The following TRPC4AP variants were observed in gnomAD, a reference collection of about 807,000 sequenced individuals.
TRPC4AP encodes short transient receptor potential channel 4-associated protein.
TRPC4AP carries 45 observed loss-of-function variants against 99.0 expected under a neutral mutation model. The ratio of observed to expected loss-of-function variants is 0.45; its 90% CI spans 0.36 to 0.58. The LOEUF (loss-of-function observed/expected upper bound fraction) is 0.58. Among genes scored for constraint, TRPC4AP ranks in the 20% least tolerant of loss-of-function variants. The probability of loss-of-function intolerance (pLI) is 0.00; values close to 1 mark genes in which losing one functional copy is unlikely to be tolerated. For synonymous variants in TRPC4AP, 408 were observed against 385.8 expected, an observed-to-expected ratio of 1.06 and a Z score of -0.67; for missense variants, 879 against 985.3, an observed-to-expected ratio of 0.89 and a Z score of 1.44.
chr20:35,018,844 T>A (rs1490161398), intron 9 of TRPC4AP, among the ~76,000 whole-genome samples: 1 of 152,062 alleles, frequency 6.6e-6, no homozygotes, highest in African/African-American at 2.4e-5. Context: ...GTTCACAAGA[T>A]AGCTCTGTGA....
chr20:35,018,829 C>G (rs2082817984), intron 9 of TRPC4AP, among the ~76,000 whole-genome samples: 1 of 152,012 alleles, frequency 6.6e-6, no homozygotes, highest in South Asian at 2.1e-4. Flanking sequence ...GTCAGACAGC[C>G]CTGGGTTCAC....
intron 6 of TRPC4AP, among the ~76,000 whole-genome samples, chr20:35,048,930 T>C (rs752924507): frequency 2.0e-5 from 3 of 152,194 alleles, no homozygotes; most frequent in Non-Finnish European, 4.4e-5. Flanking sequence ...AATAGGCCAC[T>C]TGTGCTGGGC....
At chr20:35,088,098 T>C (rs1318357475) in intron 1 of TRPC4AP, among the ~76,000 whole-genome samples, 1 of 152,226 alleles carries the variant, frequency 6.6e-6, no homozygotes, top group Admixed American at 6.5e-5. Context: ...TATAGAGCAG[T>C]TATTAATAAC....
At chr20:35,080,745 C>G (rs761450617) in intron 1 of TRPC4AP, among the ~76,000 whole-genome samples, 14 of 150,472 alleles carry the variant, frequency 9.3e-5, no homozygotes, top group African/African-American at 2.0e-4. Context: ...TAAAATTGAT[C>G]GTGATGATAG....
At chr20:35,003,837 C>T (rs999430284) in intron 17 of TRPC4AP, among the ~76,000 whole-genome samples, 6 of 152,228 alleles carry the variant, frequency 3.9e-5, no homozygotes, top group African/African-American at 1.4e-4. Context: ...CACCTCCCAC[C>T]CCACCTGAGG....
At chr20:35,068,984 A>AAAAAAAACAAC (rs144241228) in intron 3 of TRPC4AP, among the ~76,000 whole-genome samples, 7 of 140,174 alleles carry the variant, frequency 5.0e-5, no homozygotes, top group African/African-American at 2.0e-4. Context: ...CACACAAAAA[A>AAAAAAAACAAC]AACAAAACAT....
intron 3 of TRPC4AP, among the ~76,000 whole-genome samples, chr20:35,064,342 C>T (rs1019868507): frequency 6.6e-6 from 1 of 152,124 alleles, no homozygotes; most frequent in African/African-American, 2.4e-5. Context: ...ATTAAAAAGC[C>T]AGCAGGCAAA....
intron 8 of TRPC4AP, among the ~76,000 whole-genome samples, chr20:35,033,636 G>T (rs1051018426): frequency 6.6e-6 from 1 of 152,098 alleles, no homozygotes; most frequent in African/African-American, 2.4e-5. Context: ...CTTCTCAGCT[G>T]TCTCCTTCCC....
chr20:35,078,734 C>T (rs1210438990), intron 1 of TRPC4AP, among the ~76,000 whole-genome samples: 1 of 152,086 alleles, frequency 6.6e-6, no homozygotes, highest in Admixed American at 6.6e-5. Flanking sequence ...ATGCTGTCTA[C>T]AAGAAACTCA....
intron 2 of TRPC4AP, among the ~76,000 whole-genome samples, chr20:35,072,093 G>C (rs1300589629): frequency 1.3e-5 from 2 of 152,330 alleles, no homozygotes; most frequent in Non-Finnish European, 2.9e-5. Context: ...CTTTTGAAAA[G>C]TGTCTGTTCA....
intron 7 of TRPC4AP, among the ~76,000 whole-genome samples, chr20:35,043,648 T>C (rs1034414564): frequency 2.6e-5 from 4 of 152,218 alleles, no homozygotes; most frequent in South Asian, 2.1e-4. Flanking sequence ...ACTATGTTTT[T>C]TCTTATATAC....
chr20:35,021,681 G>A (rs987113445), intron 8 of TRPC4AP, among the ~76,000 whole-genome samples: 29 of 152,184 alleles, frequency 1.9e-4, no homozygotes, highest in African/African-American at 5.8e-4. Context: ...CCCAGGAAGT[G>A]CCCAGGCAGA....
Position 35,003,018 on chromosome 20 carries a change from A to G in TRPC4AP, c.*128T>C. 1.4e-5 allele frequency: 19 copies of G among 1,365,082 alleles called. No homozygotes were observed. The highest frequency in any genetic ancestry group is 1.8e-5 in the Non-Finnish European group (18 of 999,008). The allele number at this position is 1,365,082 out of a possible 1,614,324, so 84.6% of individuals were successfully genotyped here. ...GGGCTTCTAGGACTTCCCTCCCACC[A>G]AGCCTGTACCCAAAGACCTGGGGCA... On this transcript the variant is annotated 3_prime_UTR_variant, in exon 19 of 19. Coordinates refer to ENST00000252015, the MANE Select transcript of TRPC4AP (RefSeq NM_015638.3).
rs563446664 is a variant in TRPC4AP at position 35,036,833 on chromosome 20, C to A, written c.866-1525G>T. On this transcript the variant is annotated intron_variant, in intron 7 of 18. Coordinates refer to ENST00000252015, the MANE Select transcript of TRPC4AP (RefSeq NM_015638.3). ...TGGTATCGTGCGCCTGTAGTCCCAG[C>A]TACTCAGGAGGCTGAGGCATGAGAA... 3.7e-4 allele frequency among the ~76,000 whole-genome samples: 56 copies of A among 152,198 alleles called. 1 individual carries two copies. In the South Asian group the frequency reaches 0.011, roughly 30 times the overall value.
intron 1 of TRPC4AP, among the ~76,000 whole-genome samples, chr20:35,088,953 T>C (rs1379771734): frequency 6.6e-6 from 1 of 152,086 alleles, no homozygotes; most frequent in East Asian, 1.9e-4. Flanking sequence ...AGTTGTTCAA[T>C]GGTAGTTTCA....
chr20:35,071,943 CCTG>C (rs2084328012), intron 2 of TRPC4AP, among the ~76,000 whole-genome samples: 1 of 152,170 alleles, frequency 6.6e-6, no homozygotes, highest in Admixed American at 6.5e-5. Flanking sequence ...CTCTCCAGCA[CCTG>C]TTGTTTCCTG....
intron 3 of TRPC4AP, among the ~76,000 whole-genome samples, chr20:35,063,544 T>C (rs1228907799): frequency 2.6e-5 from 4 of 152,158 alleles, no homozygotes; most frequent in African/African-American, 9.7e-5. Context: ...ATTAACTTTA[T>C]GTAAATTATA....
At chr20:35,074,703 T>C (rs146795075) in intron 2 of TRPC4AP, among the ~76,000 whole-genome samples, 23 of 152,336 alleles carry the variant, frequency 1.5e-4, no homozygotes, top group African/African-American at 5.3e-4. Flanking sequence ...TGTGGTCAAT[T>C]TTGGAATAAG....
intron 3 of TRPC4AP, among the ~76,000 whole-genome samples, chr20:35,066,004 T>C (rs1331112665): frequency 2.6e-5 from 4 of 152,196 alleles, no homozygotes; most frequent in Non-Finnish European, 5.9e-5. Context: ...GCTGATGCCA[T>C]GCATGCAGAT....
Sources: allele counts gnomAD v4.1 joint callset (sites outside exome capture counted in the v4.1 genomes callset), GRCh38; gene constraint gnomAD v4.1.1; transcripts MANE v1.5; gene names NCBI Gene and HGNC (gene_info 2026-07-23, HGNC 2026-07-21).